The following HS3ST6 variants were observed in gnomAD, a reference collection of about 807,000 sequenced individuals.
The protein encoded by HS3ST6 is heparan sulfate glucosamine 3-O-sulfotransferase 6.
A neutral mutation model predicts 11.0 loss-of-function variants in HS3ST6; 13 were observed. That is an observed-to-expected ratio of 1.18 (90% CI 0.77 to 1.88). The LOEUF is 1.88. Ranked by LOEUF, HS3ST6 falls within the 40% of genes most tolerant of loss-of-function variation. HS3ST6 has a pLI of 0.00. For synonymous variants in HS3ST6, 232 were observed against 230.6 expected (o/e 1.01, Z -0.06); for missense variants, 541 against 494.4 (o/e 1.09, Z -0.89).
chr16:1,918,767 CT>C (rs1267122657), upstream of HS3ST6, among the ~76,000 whole-genome samples: 2 of 152,150 alleles, frequency 1.3e-5, no homozygotes, highest in Non-Finnish European at 2.9e-5. The surrounding 1 kb of genome is among the most constrained non-coding windows in gnomAD (Gnocchi z 6.0). Context: ...CCCCACCCCA[CT>C]CCGGGACGTG....
In HS3ST6 at chr16:1,918,154, G is replaced by A; in HGVS notation, c.170C>T (p.Ala57Val). Residue 57 changes from alanine (A) to valine (V), a missense_variant, in exon 1 of 2, where the codon GCC becomes GTC. Transcript: ENST00000454677. This position sits in a 1 kb window ranked among gnomAD's most constrained non-coding sequence, Gnocchi z 6.0. ...GGAGGGCGCGGGGGCCGGCGCGGGG[G>A]CGCGGGCGGCCGGCGGGCAGCGGCC... ...LPGRCPPAAR[A>V]PAPAPAPSEP... 3 of 1,164,192 alleles carry A rather than the reference G, an allele frequency of 2.6e-6. No homozygotes were observed. Among genetic ancestry groups the A allele is most frequent in the South Asian group, 4.2e-5 (1 of 23,828 alleles). 72.1% of individuals were successfully genotyped at this position (1,164,192 alleles called of 1,614,324 possible). A position where few individuals can be genotyped will look rare whatever the true frequency, so the allele number is the denominator to read the frequency against.
upstream of HS3ST6, among the ~76,000 whole-genome samples, chr16:1,919,181 G>T (rs886121173): frequency 1.3e-5 from 2 of 152,192 alleles, no homozygotes; most frequent in African/African-American, 4.8e-5. Flanking sequence ...ACCTGGCACT[G>T]CCCAGAGACA....
Position 1,918,087 on chromosome 16 carries a change from C to T in HS3ST6, c.237G>A (p.Leu79=). 1 of 1,494,716 alleles carries T rather than the reference C, an allele frequency of 6.7e-7. No homozygotes were observed. The highest frequency in any genetic ancestry group is 8.9e-7 in the Non-Finnish European group (1 of 1,128,154). 92.6% of individuals were successfully genotyped at this position (1,494,716 alleles called of 1,614,324 possible). The change falls in exon 1 of 2, where the codon CTG becomes CTA. Residue 79 remains leucine (L), a synonymous_variant. Coordinates refer to ENST00000454677, the MANE Select transcript of HS3ST6 (RefSeq NM_001009606.4). The surrounding 1 kb of genome is among the most constrained non-coding windows in gnomAD (Gnocchi z 6.0). ...SSVHRPGAPG[L]PLASGPGRRR... ...GGCGGCCGGGACCGCTGGCCAAAGG[C>T]AGGCCGGGTGCTCCCGGGCGGTGGA...
intron 1 of HS3ST6, among the ~76,000 whole-genome samples, chr16:1,916,584 C>A (rs2082928179): frequency 2.0e-5 from 3 of 148,222 alleles, no homozygotes. Flanking sequence ...AGGGCTAAAC[C>A]CAACCCTAGC....
chr16:1,915,963 C>T (rs1009899416), intron 1 of HS3ST6, among the ~76,000 whole-genome samples: 3 of 152,202 alleles, frequency 2.0e-5, no homozygotes, highest in Non-Finnish European at 2.9e-5. Context: ...TTACTCTGCT[C>T]GCCTCCCCGC....
At chr16:1,919,853 G>A (rs111812370), upstream of HS3ST6, among the ~76,000 whole-genome samples, 23 of 152,382 alleles carry the variant, frequency 1.5e-4, no homozygotes, top group African/African-American at 5.5e-4. Flanking sequence ...CAGGAGCCCC[G>A]TGGGCAGGCA....
chr16:1,915,819 G>A (rs1198969823), intron 1 of HS3ST6, among the ~76,000 whole-genome samples: 1 of 152,200 alleles, frequency 6.6e-6, no homozygotes, highest in Non-Finnish European at 1.5e-5. Flanking sequence ...GGAGAGGAGG[G>A]AAGGAGGGCC....
chr16:1,920,617 G>A (rs1473668327), upstream of HS3ST6, among the ~76,000 whole-genome samples: 1 of 152,164 alleles, frequency 6.6e-6, no homozygotes, highest in African/African-American at 2.4e-5. Context: ...CTTAGTCCCC[G>A]CTGAGGGCAG....
chr16:1,914,918 T>A (rs2082916405), intron 1 of HS3ST6, among the ~76,000 whole-genome samples: 2 of 152,078 alleles, frequency 1.3e-5, no homozygotes, highest in African/African-American at 4.8e-5. Context: ...TGGACCCCCG[T>A]GTGACAAACA....
chr16:1,914,001 G>A (rs975417145), intron 1 of HS3ST6, among the ~76,000 whole-genome samples: 11 of 152,182 alleles, frequency 7.2e-5, no homozygotes, highest in African/African-American at 2.4e-4. Context: ...GCCTACAGAC[G>A]ATACCGGACA....
chr16:1,914,176 C>T (rs2082910864), intron 1 of HS3ST6, among the ~76,000 whole-genome samples: 2 of 152,228 alleles, frequency 1.3e-5, no homozygotes, highest in South Asian at 4.1e-4. Flanking sequence ...CCTTCCAGCC[C>T]ACCTGGAAGG....
chr16:1,912,334 T>A lies in HS3ST6; in HGVS notation c.414-129A>T. ...TCCAGGGCGAGCAAGTCTTCCTCCCTGCTCGGGCCCACCCCTGCTAGCGTG... is the reference window on the plus strand; with the variant it reads ...TCCAGGGCGAGCAAGTCTTCCTCCCAGCTCGGGCCCACCCCTGCTAGCGTG... On this transcript the variant is annotated intron_variant, in intron 1 of 1. Transcript: ENST00000454677. This position sits in a 1 kb window ranked among gnomAD's most constrained non-coding sequence, Gnocchi z 5.6. The A allele has an allele frequency of 1.2e-6, 1 of 833,580 alleles. No individual in the cohort carries two copies. The highest frequency in any genetic ancestry group is 1.6e-6 in the Non-Finnish European group (1 of 617,518). 51.6% of individuals were successfully genotyped at this position (833,580 alleles called of 1,614,324 possible).
rs142644766 is a variant in HS3ST6 at position 1,911,835 on chromosome 16, G to T, written c.784C>A (p.Arg262Ser). The change falls in exon 2 of 2, where the codon CGC becomes AGC. Residue 262 changes from arginine (R) to serine (S), a missense_variant. Transcript: ENST00000454677. ...TTCAGGCCCAGGAAGTCCTGCACGC[G>T]GCCGACCTCTCCGGCCGGGTCGCTG... ...LVSDPAGEVG[R>S]VQDFLGLKRV... The T allele has an allele frequency of 1.2e-6, 2 of 1,612,964 alleles. No individual in the cohort carries two copies. The highest frequency in any genetic ancestry group is 8.5e-7 in the Non-Finnish European group (1 of 1,179,356).
At chr16:1,920,328 G>A (rs1381832386), upstream of HS3ST6, among the ~76,000 whole-genome samples, 3 of 130,060 alleles carry the variant, frequency 2.3e-5, no homozygotes, top group African/African-American at 8.9e-5. Context: ...GAGTCCCCAC[G>A]GTCTCAGCCG....
Position 1,911,993 on chromosome 16 carries a change from AAGGCCAGGGCGCGGAAGCTGGGC to A in HS3ST6, c.603_625del (p.Ser203ProfsTer167), listed in dbSNP as rs2082892685. The A allele has an allele frequency of 6.5e-7, 1 of 1,538,346 alleles. No homozygotes were observed. The highest frequency in any genetic ancestry group is 2.3e-5 in the East Asian group (1 of 44,056). ...GTCCACGGGGCCCAGGCCGTGGCGG[AAGGCCAGGGCGCGGAAGCTGGGC>A]AGGCCCGGGGTCTTGGAGAGCGTCT... is the stretch of plus-strand genomic sequence containing the variant. On this transcript the variant is annotated frameshift_variant, in exon 2 of 2. Transcript: ENST00000454677. LOFTEE classifies it low-confidence loss of function (END_TRUNC).
In HS3ST6 at chr16:1,913,498, G is replaced by A. The variant is rs533590748; in HGVS notation, c.414-1293C>T. Among the ~76,000 whole-genome samples the A allele has an allele frequency of 4.6e-5, 7 of 152,322 alleles. No individual in the cohort carries two copies. The East Asian group carries it at 1.4e-3, about 29-fold the overall frequency. On this transcript the variant is annotated intron_variant, in intron 1 of 1. Coordinates refer to ENST00000454677, the MANE Select transcript of HS3ST6 (RefSeq NM_001009606.4). ...TGCCAGCCAGGTAGTGCAGGGTGAGGTTGGGCAGGGCAGGGCGTGGTAGGT... is the reference window on the plus strand; with the variant it reads ...TGCCAGCCAGGTAGTGCAGGGTGAGATTGGGCAGGGCAGGGCGTGGTAGGT...
rs2082890218 is a variant in HS3ST6 at position 1,911,854 on chromosome 16, G to A, written c.765C>T (p.Asp255=). The A allele has an allele frequency of 1.2e-6, 2 of 1,610,226 alleles. No individual in the cohort carries two copies. The highest frequency in any genetic ancestry group is 1.7e-6 in the Non-Finnish European group (2 of 1,178,028). ...GCACGCGGCCGACCTCTCCGGCCGG[G>A]TCGCTGACCAGACGCTCCCCGCTGA... ...LFVSGERLVS[D]PAGEVGRVQD... is the part of the protein sequence containing the mutation. Residue 255 remains aspartate, a synonymous_variant, in exon 2 of 2, where the codon GAC becomes GAT. Transcript: ENST00000454677.
intron 1 of HS3ST6, among the ~76,000 whole-genome samples, chr16:1,913,244 C>A (rs541401003): frequency 1.3e-5 from 2 of 152,328 alleles, no homozygotes; most frequent in African/African-American, 2.4e-5. Flanking sequence ...GACCCTGGGC[C>A]GCTGTGGCCC....
chr16:1,914,243 C>T (rs1467485064), intron 1 of HS3ST6, among the ~76,000 whole-genome samples: 2 of 152,178 alleles, frequency 1.3e-5, no homozygotes, highest in African/African-American at 2.4e-5. Flanking sequence ...AGCTGGAACC[C>T]GCGTGGGAGC....
Sources: allele counts gnomAD v4.1 joint callset (sites outside exome capture counted in the v4.1 genomes callset), GRCh38; gene constraint gnomAD v4.1.1; non-coding constraint Gnocchi (gnomAD v3.1); transcripts MANE v1.5; gene names NCBI Gene and HGNC (gene_info 2026-07-23, HGNC 2026-07-21).